Variants in DLGAP4 observed in about 807,000 individuals in gnomAD.
DLGAP4 encodes disks large-associated protein 4.
Under a neutral mutation model 86.9 loss-of-function variants are expected in DLGAP4, and 18 were observed. The ratio of observed to expected loss-of-function variants is 0.21; its 90% CI spans 0.14 to 0.31. DLGAP4 has a LOEUF of 0.31. Ranked by LOEUF, DLGAP4 falls within the 10% of genes least tolerant of loss-of-function variation. The probability of loss-of-function intolerance (pLI) is 1.00; values close to 1 mark genes in which losing one functional copy is unlikely to be tolerated. For missense variants in DLGAP4, 1,085 were observed against 1,362.6 expected (o/e 0.80, Z 3.21); for synonymous variants, 548 against 574.3 (o/e 0.95, Z 0.65).
chr20:36,421,048 G>A (rs1017243391), intron 2 of DLGAP4, among the ~76,000 whole-genome samples: 5 of 152,138 alleles, frequency 3.3e-5, no homozygotes, highest in African/African-American at 9.7e-5. Flanking sequence ...AGCTGAGACC[G>A]GAGGATCTCT....
At chr20:36,360,601 C>A (rs529455295) in intron 1 of DLGAP4, among the ~76,000 whole-genome samples, 2 of 149,774 alleles carry the variant, frequency 1.3e-5, no homozygotes, top group Non-Finnish European at 3.0e-5. Flanking sequence ...TTGTGGGTGG[C>A]GGCTTGGTGG....
chr20:36,357,975 C>A (rs2030386026), intron 1 of DLGAP4, among the ~76,000 whole-genome samples: 1 of 152,230 alleles, frequency 6.6e-6, no homozygotes, highest in Non-Finnish European at 1.5e-5. Flanking sequence ...TGGGTACCAG[C>A]TGGCTGGGTC....
intron 7 of DLGAP4, among the ~76,000 whole-genome samples, chr20:36,476,273 A>AAC (rs1241285947): frequency 6.6e-6 from 1 of 151,148 alleles, no homozygotes; most frequent in Non-Finnish European, 1.5e-5. Context: ...GTGCCTATTA[A>AAC]ACACTAACTC....
intron 1 of DLGAP4, among the ~76,000 whole-genome samples, chr20:36,322,625 TCA>T (rs1298536177): frequency 6.6e-6 from 1 of 152,180 alleles, no homozygotes; most frequent in East Asian, 1.9e-4. Flanking sequence ...TCATATAATG[TCA>T]CAGTCATCTG....
At chr20:36,428,008 G>T (rs1242377156) in intron 2 of DLGAP4, among the ~76,000 whole-genome samples, 1 of 152,118 alleles carries the variant, frequency 6.6e-6, no homozygotes, top group Non-Finnish European at 1.5e-5. Context: ...GCAGCTAATA[G>T]ATACTCAGGG....
Position 36,503,510 on chromosome 20 carries a change from C to T in DLGAP4, c.2512+2899C>T, listed in dbSNP as rs935038602. 3.0e-5 allele frequency among the ~76,000 whole-genome samples: 3 copies of T among 99,508 alleles called. No homozygotes were observed. The East Asian group carries it at 9.9e-4, about 33-fold the overall frequency. 65.3% of individuals were successfully genotyped at this position (99,508 alleles called of 152,430 possible). A position where few individuals can be genotyped will look rare whatever the true frequency, so the allele number is the denominator to read the frequency against. Reference sequence around the variant, plus strand: ...TTTTTTTTTTTTTTTTTTTTTGAGACGGAGTCTCGCTCTGTCTTCCAGGCT... The same window carrying T: ...TTTTTTTTTTTTTTTTTTTTTGAGATGGAGTCTCGCTCTGTCTTCCAGGCT... On this transcript the variant is annotated intron_variant, in intron 10 of 12. Coordinates refer to ENST00000339266, the MANE Select transcript of DLGAP4 (RefSeq NM_001365621.2).
At chr20:36,508,422 C>CTTTTTTTTTTTTT (rs745815364) in intron 10 of DLGAP4, 13 of 94,468 alleles carry the variant, frequency 1.4e-4, no homozygotes, top group African/African-American at 5.5e-4. Context: ...TTTCAGGGTT[C>CTTTTTTTTTTTTT]TTTTTTTTTT....
At chr20:36,406,507 T>C (rs2032327718) in intron 2 of DLGAP4, among the ~76,000 whole-genome samples, 1 of 151,880 alleles carries the variant, frequency 6.6e-6, no homozygotes, top group African/African-American at 2.4e-5. Context: ...GGGTCTGTTC[T>C]GCAAGGCACA....
At chr20:36,321,451 G>A (rs2065167041) in intron 1 of DLGAP4, among the ~76,000 whole-genome samples, 1 of 152,258 alleles carries the variant, frequency 6.6e-6, no homozygotes, top group Admixed American at 6.5e-5. Context: ...GCATAGCTGG[G>A]GCAGCTGGTC....
intron 7 of DLGAP4, among the ~76,000 whole-genome samples, chr20:36,478,880 G>C (rs1600613140): frequency 6.6e-6 from 1 of 152,168 alleles, no homozygotes; most frequent in African/African-American, 2.4e-5. Context: ...TCCTTGAGGG[G>C]ATCAAATGTA....
At chr20:36,392,067 C>G (rs1194664918) in intron 2 of DLGAP4, among the ~76,000 whole-genome samples, 1 of 152,126 alleles carries the variant, frequency 6.6e-6, no homozygotes, top group Non-Finnish European at 1.5e-5. Context: ...GGCTTGGGGT[C>G]GTGTCCCGAA....
At chr20:36,332,945 A>G (rs1410735237) in intron 1 of DLGAP4, among the ~76,000 whole-genome samples, 2 of 152,222 alleles carry the variant, frequency 1.3e-5, no homozygotes, top group Non-Finnish European at 2.9e-5. Flanking sequence ...AGCTCCAGAC[A>G]GGAGGCTCTT....
intron 7 of DLGAP4, among the ~76,000 whole-genome samples, chr20:36,467,023 T>TC (rs1569509594): frequency 5.0e-4 from 10 of 19,970 alleles, no homozygotes; most frequent in Non-Finnish European, 1.5e-3. Context: ...CTCTCCTCTC[T>TC]CTCTCTCTCT....
intron 2 of DLGAP4, among the ~76,000 whole-genome samples, chr20:36,410,646 G>A: frequency 6.6e-6 from 1 of 152,236 alleles, no homozygotes; most frequent in East Asian, 1.9e-4. Flanking sequence ...AGGGAGTGTG[G>A]GGGATAGGGG....
chr20:36,409,386 A>T (rs955183757), intron 2 of DLGAP4, among the ~76,000 whole-genome samples: 2 of 145,070 alleles, frequency 1.4e-5, no homozygotes, highest in South Asian at 2.2e-4. Context: ...AATAAAAAAA[A>T]TTTTTTTAAG....
At position 36,338,115 on chromosome 20, in the gene DLGAP4, G is replaced by A. The variant is rs1199539022; in HGVS notation, c.-303-28930G>A. Among the ~76,000 whole-genome samples the A allele has an allele frequency of 2.0e-5, 3 of 152,242 alleles. No individual in the cohort carries two copies. In the East Asian group the frequency reaches 5.8e-4, roughly 29 times the overall value. On this transcript the variant is annotated intron_variant, in intron 1 of 12. Transcript: ENST00000339266. Reference sequence around the variant, plus strand: ...TGCCCAGGAAGCTGGGAAGGTTGCAGGGTTGGGAGGGGAGCTTCTTAAGCT... The same window carrying A: ...TGCCCAGGAAGCTGGGAAGGTTGCAAGGTTGGGAGGGGAGCTTCTTAAGCT...
At chr20:36,324,567 A>C (rs1177021394) in intron 1 of DLGAP4, among the ~76,000 whole-genome samples, 6 of 152,210 alleles carry the variant, frequency 3.9e-5, no homozygotes, top group African/African-American at 1.4e-4. Context: ...TGCTGGCACC[A>C]TTTGTTGAAA....
intron 7 of DLGAP4, among the ~76,000 whole-genome samples, chr20:36,481,761 T>G (rs1411422769): frequency 6.6e-6 from 1 of 151,932 alleles, no homozygotes; most frequent in Non-Finnish European, 1.5e-5. Context: ...AGGTTCCAGT[T>G]TGACGATATC....
intron 2 of DLGAP4, among the ~76,000 whole-genome samples, chr20:36,372,097 G>A (rs1282063818): frequency 1.3e-5 from 2 of 152,214 alleles, no homozygotes; most frequent in African/African-American, 4.8e-5. Flanking sequence ...CTTCTCTGAG[G>A]CTGAGTTTCC....
Sources: gnomAD v4.1 joint callset for allele counts (sites outside exome capture counted in the v4.1 genomes callset) on GRCh38, gnomAD v4.1.1 for gene constraint, MANE v1.5 for transcripts, NCBI Gene and HGNC (gene_info 2026-07-23, HGNC 2026-07-21) for gene names.